FAT2: variants seen among roughly 807,000 people sequenced by gnomAD.
The protein encoded by FAT2 is FAT atypical cadherin 2.
FAT2 carries 150 observed loss-of-function variants against 295.3 expected under a neutral mutation model. That is an observed-to-expected ratio of 0.51 (90% CI 0.44 to 0.58). The LOEUF is 0.58. Among genes scored for constraint, FAT2 ranks in the 20% least tolerant of loss-of-function variants. The probability of loss-of-function intolerance (pLI) is 0.00; values close to 1 mark genes in which losing one functional copy is unlikely to be tolerated. For synonymous variants in FAT2, 2,026 were observed against 2,150.3 expected (o/e 0.94, Z 1.60); for missense variants, 4,868 against 5,442.7 (o/e 0.89, Z 3.32).
In FAT2 at chr5:151,531,443, G is replaced by C; in HGVS notation, c.9811+144C>G. 8.5e-7 allele frequency: 1 copy of C among 1,173,820 alleles called. No individual in the cohort carries two copies. The allele number at this position is 1,173,820 out of a possible 1,614,324, so 72.7% of individuals were successfully genotyped here. On this transcript the variant is annotated intron_variant, in intron 14 of 23. Coordinates refer to ENST00000261800, the MANE Select transcript of FAT2 (RefSeq NM_001447.3). The surrounding 1 kb of genome is among the most constrained non-coding windows in gnomAD (Gnocchi z 5.7). The stretch of plus-strand genomic sequence containing the variant: ...GAAGGAGGGACCTGGTACTCGGAGA[G>C]AAGCAGAAGAGAATGGAGAAACGAC...
intron 3 of FAT2, among the ~76,000 whole-genome samples, chr5:151,560,734 G>A (rs1757981664): frequency 6.6e-6 from 1 of 152,220 alleles, no homozygotes; most frequent in Non-Finnish European, 1.5e-5. Context: ...CTGAAACTGT[G>A]TTTTATTTAT....
chr5:151,529,943 T>G (rs1754411696), intron 14 of FAT2, among the ~76,000 whole-genome samples: 2 of 152,238 alleles, frequency 1.3e-5, no homozygotes, highest in Admixed American at 1.3e-4. Flanking sequence ...ACCAAATAGT[T>G]AATGGTGGAC....
chr5:151,562,950 A>G (rs1239181084), intron 3 of FAT2, among the ~76,000 whole-genome samples: 2 of 152,142 alleles, frequency 1.3e-5, no homozygotes, highest in Non-Finnish European at 2.9e-5. Context: ...ATGACTCAGG[A>G]GAGAGTCAGG....
At chr5:151,574,315 G>C (rs918250328) in intron 1 of FAT2, among the ~76,000 whole-genome samples, 4 of 152,190 alleles carry the variant, frequency 2.6e-5, no homozygotes, top group Admixed American at 2.6e-4. Context: ...ATGGATGGGT[G>C]ATTCCAAACC....
chr5:151,513,106 A>C (rs1341183151), intron 20 of FAT2, among the ~76,000 whole-genome samples: 1 of 152,236 alleles, frequency 6.6e-6, no homozygotes, highest in East Asian at 1.9e-4. Flanking sequence ...TTTTCTCACA[A>C]GTATACAACA....
intron 3 of FAT2, among the ~76,000 whole-genome samples, chr5:151,561,397 T>A (rs1489110164): frequency 6.6e-6 from 1 of 151,932 alleles, no homozygotes; most frequent in Non-Finnish European, 1.5e-5. Context: ...TCTCTCTTTT[T>A]TTTTTCTTTC....
In FAT2 at chr5:151,542,306, G is replaced by C; in HGVS notation, c.8821C>G (p.Gln2941Glu). 1 of 1,607,364 alleles carries C rather than the reference G, an allele frequency of 6.2e-7. No homozygotes were observed. Among genetic ancestry groups the C allele is most frequent in the Non-Finnish European group, 8.5e-7 (1 of 1,176,700 alleles). The change falls in exon 10 of 24, where the codon CAG becomes GAG. Residue 2941 changes from glutamine to glutamate, a missense_variant. Gln to Glu is a conservative substitution (Grantham distance 29, BLOSUM62 2). Transcript: ENST00000261800. ...LDADISEQNR[Q>E]VTCYITEGDP... ...TTACCTGTGATGTAGCAGGTGACCT[G>C]CCTGTTCTGCTCAGAAATGTCAGCA...
rs746955553 is a variant in FAT2 at position 151,527,292 on chromosome 5, G to A, written c.10250C>T (p.Ala3417Val). The A allele has an allele frequency of 3.1e-6, 5 of 1,610,550 alleles. No homozygotes were observed. The highest frequency in any genetic ancestry group is 4.2e-6 in the Non-Finnish European group (5 of 1,178,246). ...HEDTDIAIQV[A>V]DVNDNPPRFF... ...TCTCGGTGGGTTATCATTGACATCA[G>A]CCACTTGGATAGCGATGTCTGTGTC... The change falls in exon 17 of 24, where the codon GCT (alanine) becomes GTT (valine). Residue 3417 changes from alanine to valine, a missense_variant. Transcript: ENST00000261800.
chr5:151,549,351 C>T lies in FAT2; in HGVS notation c.4733G>A (p.Arg1578Gln), dbSNP rs1451168413. 3 of 1,613,932 alleles carry T rather than the reference C, an allele frequency of 1.9e-6. No homozygotes were observed. The highest frequency in any genetic ancestry group is 1.3e-5 in the African/African-American group (1 of 75,024). Residue 1578 changes from arginine to glutamine, a missense_variant, in exon 9 of 24, where the codon CGA becomes CAA. Physicochemically the swap from Arg to Gln is conservative, Grantham distance 43 (BLOSUM62 1). Around this residue, in one of 5 missense-constraint regions of FAT2, gnomAD observed 3,297 missense variants for 3,669.4 expected, o/e 0.90. Transcript: ENST00000261800. ...IAPGTELLQV[R>Q]AMDADRGVNA... ...GACTCCCCGGTCAGCATCCATGGCT[C>T]GGACCTGCAGCAGCTCTGTGCCGGG...
In FAT2 at chr5:151,543,860, G is replaced by A. The variant is rs1250050940; in HGVS notation, c.7267C>T (p.Gln2423Ter). Residue 2423 changes from glutamine to a stop codon, truncating the protein, a stop_gained, in exon 10 of 24, where the codon CAG becomes TAG. Transcript: ENST00000261800. LOFTEE classifies it high-confidence loss of function. ...RLEYLILSGNQDRHFFINSSS... is the reference protein window; with the variant it reads ...RLEYLILSGN Reference sequence around the variant, plus strand: ...CTGTTAATGAAGAAGTGCCTGTCCTGATTGCCAGAAAGAATCAGGTACTCC... The same window carrying A: ...CTGTTAATGAAGAAGTGCCTGTCCTAATTGCCAGAAAGAATCAGGTACTCC... The A allele has an allele frequency of 4.3e-6, 7 of 1,614,072 alleles. No homozygotes were observed. The highest frequency in any genetic ancestry group is 5.9e-6 in the Non-Finnish European group (7 of 1,180,048).
intron 19 of FAT2, among the ~76,000 whole-genome samples, chr5:151,519,074 T>C (rs908494932): frequency 6.6e-6 from 1 of 152,228 alleles, no homozygotes; most frequent in Non-Finnish European, 1.5e-5. Flanking sequence ...CTGGACGCAG[T>C]GGCTCACACC....
At position 151,543,390 on chromosome 5, in the gene FAT2, A is replaced by G; in HGVS notation, c.7737T>C (p.Asn2579=). ...CTVKIILTDE[N]DNPPQFKASE... ...ATGCTTTGAACTGTGGGGGGTTGTCATTTTCATCTGTGAGGATGATCTTCA... is the reference window on the plus strand; with the variant it reads ...ATGCTTTGAACTGTGGGGGGTTGTCGTTTTCATCTGTGAGGATGATCTTCA... The change falls in exon 10 of 24, where the codon AAT becomes AAC. Residue 2579 remains asparagine, a synonymous_variant. Coordinates refer to ENST00000261800, the MANE Select transcript of FAT2 (RefSeq NM_001447.3). The G allele has an allele frequency of 6.2e-7, 1 of 1,614,054 alleles. No homozygotes were observed. The highest frequency in any genetic ancestry group is 8.5e-7 in the Non-Finnish European group (1 of 1,180,014).
intron 1 of FAT2, among the ~76,000 whole-genome samples, chr5:151,584,962 T>C (rs899276273): frequency 1.3e-5 from 2 of 152,160 alleles, no homozygotes; most frequent in African/African-American, 4.8e-5. Flanking sequence ...TGGGGCTAAG[T>C]AATTTGTATT....
At chr5:151,550,504 G>T in intron 8 of FAT2, 86 bp downstream of exon 8, 1 of 1,451,590 alleles carries the variant, frequency 6.9e-7, no homozygotes. Flanking sequence ...TGAGGGGAAG[G>T]GGGACCTTCA....
rs773903540 is a variant in FAT2, at chr5:151,566,111, C to CG, written c.2820dup (p.Gly941ArgfsTer11). On this transcript the variant is annotated frameshift_variant, in exon 2 of 24. Coordinates refer to ENST00000261800, the MANE Select transcript of FAT2 (RefSeq NM_001447.3). LOFTEE classifies it high-confidence loss of function. ...GCATCCAGAAATGTCAAGACAGTCC[C>CG]GGGGGGCAGGTCCTCTGGAACCTTC... The CG allele has an allele frequency of 1.7e-5, 27 of 1,613,896 alleles. No individual in the cohort carries two copies. The highest frequency in any genetic ancestry group is 1.5e-5 in the Non-Finnish European group (18 of 1,179,988).
At chr5:151,563,285 T>C (rs374231601) in intron 3 of FAT2, 40 bp downstream of exon 3, 7 of 1,585,204 alleles carry the variant, frequency 4.4e-6, no homozygotes, top group Admixed American at 1.7e-5. Context: ...AGAACCACCA[T>C]TGTAGAGATC....
Position 151,565,976 on chromosome 5 carries a change from C to G in FAT2, c.2956G>C (p.Glu986Gln). 7 of 1,614,100 alleles carry G rather than the reference C, an allele frequency of 4.3e-6. No individual in the cohort carries two copies. Among genetic ancestry groups the G allele is most frequent in the African/African-American group, 2.7e-5 (2 of 75,052 alleles). Residue 986 changes from glutamate to glutamine, a missense_variant, in exon 2 of 24, where the codon GAG becomes CAG. Glu to Gln is a conservative substitution (Grantham distance 29, BLOSUM62 2). Around this residue, in one of 5 missense-constraint regions of FAT2, gnomAD observed 3,297 missense variants for 3,669.4 expected, o/e 0.90. Transcript: ENST00000261800. Reference protein sequence around the residue: ...LMTGALILERELDFERRAGYN... With the variant: ...LMTGALILERQLDFERRAGYN... ...CCAGCTCGCCTCTCAAAGTCCAGCT[C>G]TCTCTCCAGAATGAGCGCCCCTGTC...
In FAT2 at chr5:151,506,069, G is replaced by C. The variant is rs1175544492; in HGVS notation, c.12546C>G (p.Pro4182=). The part of the protein sequence containing the change: ...MVYPGGAMVW[P]PTYSRNERWE... Reference sequence around the variant, plus strand: ...AGCGTTCGTTCCTGGAGTAAGTAGGGGGCCAGACCATGGCTCCGCCAGGGT... The same window carrying C: ...AGCGTTCGTTCCTGGAGTAAGTAGGCGGCCAGACCATGGCTCCGCCAGGGT... Residue 4182 remains proline, a synonymous_variant, in exon 24 of 24, where the codon CCC becomes CCG. Coordinates refer to ENST00000261800, the MANE Select transcript of FAT2 (RefSeq NM_001447.3). The C allele has an allele frequency of 6.5e-7, 1 of 1,535,142 alleles. No individual in the cohort carries two copies. Among genetic ancestry groups the C allele is most frequent in the Non-Finnish European group, 8.7e-7 (1 of 1,149,036 alleles).
chr5:151,563,484 G>C lies in FAT2; in HGVS notation c.3415C>G (p.Gln1139Glu), dbSNP rs1441160468. Residue 1139 changes from glutamine (Q) to glutamate (E), a missense_variant, in exon 3 of 24, where the codon CAA becomes GAA. This residue lies in a region of FAT2 where 3,297 missense variants were observed against 3,669.4 expected (regional missense o/e 0.90). Transcript: ENST00000261800. Reference protein sequence around the residue: ...DANDNPPQMSQAVFYPSIQED... With the variant: ...DANDNPPQMSEAVFYPSIQED... ...TGGATGGAGGGGTAGAACACAGCTT[G>C]GGACATCTGGGGTGGGTTGTCATTG... The C allele has an allele frequency of 6.2e-7, 1 of 1,614,064 alleles. No individual in the cohort carries two copies. The highest frequency in any genetic ancestry group is 1.3e-5 in the African/African-American group (1 of 74,920).
Sources: allele counts gnomAD v4.1 joint callset (sites outside exome capture counted in the v4.1 genomes callset), GRCh38; gene constraint gnomAD v4.1.1; regional missense constraint gnomAD v4.1.1; non-coding constraint Gnocchi (gnomAD v3.1); transcripts MANE v1.5; gene names NCBI Gene and HGNC (gene_info 2026-07-23, HGNC 2026-07-21).